The following CEMIP variants were observed in gnomAD, a reference collection of about 807,000 sequenced individuals.
CEMIP encodes cell migration-inducing and hyaluronan-binding protein.
A neutral mutation model predicts 156.9 loss-of-function variants in CEMIP; 105 were observed. That is an observed-to-expected ratio of 0.67 (90% CI 0.57 to 0.79). CEMIP has a LOEUF of 0.79. CEMIP is among the 30% of genes least tolerant of loss of function. CEMIP has a pLI of 0.00. For missense variants in CEMIP, 1,457 were observed against 1,769.4 expected, an observed-to-expected ratio of 0.82 and a Z score of 3.17; for synonymous variants, 676 against 668.4, an observed-to-expected ratio of 1.01 and a Z score of -0.17.
intron 1 of CEMIP, among the ~76,000 whole-genome samples, chr15:80,869,254 C>T (rs1898210758): frequency 6.6e-6 from 1 of 152,196 alleles, no homozygotes. Context: ...GTCCTGTCTC[C>T]AAATACAGTC....
At chr15:80,878,889 G>T (rs771394761) in intron 4 of CEMIP, 22 bp downstream of exon 4, 15 of 1,613,866 alleles carry the variant, frequency 9.3e-6, no homozygotes, top group Admixed American at 6.7e-5. Flanking sequence ...TCTCTCTGCT[G>T]CTCCCTCTTC....
At chr15:80,834,167 C>A (rs1897219628) in intron 1 of CEMIP, among the ~76,000 whole-genome samples, 1 of 152,114 alleles carries the variant, frequency 6.6e-6, no homozygotes, top group Admixed American at 6.5e-5. Context: ...GTAAAATCAC[C>A]CCCAGTTGAA....
intron 1 of CEMIP, among the ~76,000 whole-genome samples, chr15:80,807,298 A>G (rs1896537540): frequency 6.6e-6 from 1 of 150,520 alleles, no homozygotes; most frequent in South Asian, 2.1e-4. Flanking sequence ...TGGCACAATC[A>G]TAGCTCACTG....
chr15:80,847,849 A>G (rs566028951), intron 1 of CEMIP, among the ~76,000 whole-genome samples: 1 of 152,268 alleles, frequency 6.6e-6, no homozygotes, highest in Admixed American at 6.5e-5. Flanking sequence ...GTCCCTGCCC[A>G]CCCAGGAGGA....
intron 1 of CEMIP, among the ~76,000 whole-genome samples, chr15:80,850,246 TAGA>T (rs1897680583): frequency 6.6e-6 from 1 of 152,100 alleles, no homozygotes; most frequent in African/African-American, 2.4e-5. Flanking sequence ...TGGGCATGTG[TAGA>T]AGGACAGAGT....
chr15:80,948,508 C>T (rs1247929001), intron 29 of CEMIP: 2 of 464,082 alleles, frequency 4.3e-6, no homozygotes, highest in Non-Finnish European at 4.0e-6. Flanking sequence ...GGTCTCCTCC[C>T]TTACAGTTTG....
chr15:80,791,682 G>A (rs1323694910), intron 1 of CEMIP, among the ~76,000 whole-genome samples: 2 of 152,194 alleles, frequency 1.3e-5, no homozygotes, highest in Non-Finnish European at 2.9e-5. Context: ...CAGGGCTGGG[G>A]TGAGGAGGGT....
intron 12 of CEMIP, 74 bp downstream of exon 12, chr15:80,896,134 C>G (rs764304374): frequency 2.2e-5 from 32 of 1,444,942 alleles, no homozygotes; most frequent in Non-Finnish European, 3.1e-5. Flanking sequence ...ACTGAAGTTA[C>G]AACAAATCTG....
intron 3 of CEMIP, among the ~76,000 whole-genome samples, chr15:80,875,071 T>C (rs1214525854): frequency 7.2e-6 from 1 of 139,814 alleles, no homozygotes; most frequent in Non-Finnish European, 1.5e-5. Flanking sequence ...TCTCGCTCTG[T>C]TGCCTAAGCT....
intron 1 of CEMIP, among the ~76,000 whole-genome samples, chr15:80,828,751 C>T (rs114750962): frequency 6.9e-4 from 105 of 152,300 alleles, no homozygotes; most frequent in African/African-American, 2.2e-3. Flanking sequence ...GGTTTTCTTC[C>T]TCTTGTTTTT....
chr15:80,807,963 G>A (rs1158780394), intron 1 of CEMIP, among the ~76,000 whole-genome samples: 3 of 152,260 alleles, frequency 2.0e-5, no homozygotes, highest in East Asian at 3.9e-4. Flanking sequence ...TGCTGACAGC[G>A]TCCACTTGAT....
At chr15:80,918,968 A>T (rs949796526) in intron 14 of CEMIP, among the ~76,000 whole-genome samples, 23 of 152,142 alleles carry the variant, frequency 1.5e-4, no homozygotes, top group Non-Finnish European at 2.9e-4. Flanking sequence ...GTGGAAAAAA[A>T]AGTGACTGAA....
At chr15:80,919,997 A>C in intron 14 of CEMIP, 97 bp from the exon 15 acceptor site, 1 of 1,110,156 alleles carries the variant, frequency 9.0e-7, no homozygotes. Context: ...TGAATGAATG[A>C]ATGAGCACAT....
At chr15:80,901,369 G>A (rs116751763) in intron 12 of CEMIP, among the ~76,000 whole-genome samples, 8,452 of 152,172 alleles carry the variant, frequency 0.056, 734 homozygotes, top group African/African-American at 0.19. Context: ...CGAGCCACAT[G>A]TGGCTACTTA....
intron 1 of CEMIP, among the ~76,000 whole-genome samples, chr15:80,825,634 C>T (rs138423057): frequency 1.3e-5 from 2 of 152,350 alleles, no homozygotes; most frequent in Non-Finnish European, 2.9e-5. Flanking sequence ...TGCGCCTTCT[C>T]ATTAGCATTG....
rs1381103876 is a variant in CEMIP, at chr15:80,881,034, G to A, written c.515G>A (p.Gly172Asp). Residue 172 changes from glycine (G) to aspartate (D), a missense_variant, in exon 6 of 30, where the codon GGC becomes GAC. Gly to Asp is a moderately conservative substitution (Grantham distance 94, BLOSUM62 -1). This residue lies in a region of CEMIP where 309 missense variants were observed against 340.8 expected (regional missense o/e 0.91). Coordinates refer to ENST00000394685, the MANE Select transcript of CEMIP (RefSeq NM_001293298.2). The part of the protein sequence containing the change: ...TFLNKTLHPG[G>D]MAEGGYFFER... Reference sequence around the variant, plus strand: ...CTGAACAAGACCCTTCACCCAGGTGGCATGGCAGAAGGAGGCTATTTTTTT... The same window carrying A: ...CTGAACAAGACCCTTCACCCAGGTGACATGGCAGAAGGAGGCTATTTTTTT... 2.5e-6 allele frequency: 4 copies of A among 1,614,234 alleles called. No homozygotes were observed. Among genetic ancestry groups the A allele is most frequent in the Non-Finnish European group, 2.5e-6 (3 of 1,180,032 alleles).
chr15:80,836,560 C>A (rs965698786), intron 1 of CEMIP, among the ~76,000 whole-genome samples: 1 of 151,874 alleles, frequency 6.6e-6, no homozygotes, highest in African/African-American at 2.4e-5. Flanking sequence ...TTCTGTTTTC[C>A]ATAGTTCCTT....
chr15:80,951,720 T>G lies in CEMIP; in HGVS notation c.*2796T>G, dbSNP rs940589346. 1 of 153,004 alleles carries G rather than the reference T, an allele frequency of 6.5e-6. No individual in the cohort carries two copies. Among genetic ancestry groups the G allele is most frequent in the African/African-American group, 2.4e-5 (1 of 41,446 alleles). 9.5% of individuals were successfully genotyped at this position (153,004 alleles called of 1,614,324 possible). Reference sequence around the variant, plus strand: ...TGTACCTAGAGCCAAGGAAATTGGCTCTGGTTTGGAAAAATTTTGCTGTTA... The same window carrying G: ...TGTACCTAGAGCCAAGGAAATTGGCGCTGGTTTGGAAAAATTTTGCTGTTA... On this transcript the variant is annotated 3_prime_UTR_variant, in exon 30 of 30. Transcript: ENST00000394685.
At chr15:80,838,735 A>C (rs992438222) in intron 1 of CEMIP, among the ~76,000 whole-genome samples, 2 of 152,104 alleles carry the variant, frequency 1.3e-5, no homozygotes, top group Admixed American at 1.3e-4. Context: ...AGCTCTTTAA[A>C]ATTCATAGAG....
Sources: allele counts gnomAD v4.1 joint callset (sites outside exome capture counted in the v4.1 genomes callset), GRCh38; gene constraint gnomAD v4.1.1; regional missense constraint gnomAD v4.1.1; transcripts MANE v1.5; gene names NCBI Gene and HGNC (gene_info 2026-07-23, HGNC 2026-07-21).